Variants in PCDHGB3 observed in about 807,000 individuals in gnomAD.
The protein encoded by PCDHGB3 is protocadherin gamma subfamily B, 3.
A neutral mutation model predicts 59.2 loss-of-function variants in PCDHGB3; 40 were observed. The observed-to-expected ratio is 0.68, with a 90% CI of 0.52 to 0.88. PCDHGB3 has a LOEUF of 0.88. Ranked by LOEUF, PCDHGB3 falls within the 40% of genes least tolerant of loss-of-function variation. The pLI is 0.00. For missense variants in PCDHGB3, 1,309 were observed against 1,187.9 expected (o/e 1.10, Z -1.50); for synonymous variants, 581 against 503.6 (o/e 1.15, Z -2.06).
intron 1 of PCDHGB3, chr5:141,404,548 G>C (rs761765539): frequency 1.2e-5 from 20 of 1,613,740 alleles, no homozygotes. Context: ...AAATGCAGGT[G>C]ACGGCAAGTG....
At chr5:141,399,501 C>G in intron 1 of PCDHGB3, 1 of 1,614,030 alleles carries the variant, frequency 6.2e-7, no homozygotes, top group South Asian at 1.1e-5. Flanking sequence ...TCAGTGTACC[C>G]GAAAACAACC....
chr5:141,423,299 C>T (rs1225422770), intron 1 of PCDHGB3: 2 of 1,614,128 alleles, frequency 1.2e-6, no homozygotes, highest in Non-Finnish European at 1.7e-6. Context: ...TCAGACCTCT[C>T]GCTGTACTTG....
At chr5:141,413,460 C>T (rs1561742736) in intron 1 of PCDHGB3, 4 of 1,613,974 alleles carry the variant, frequency 2.5e-6, no homozygotes, top group Middle Eastern at 1.6e-4. Context: ...GCAGGATAGA[C>T]CGGGAGGAGC....
chr5:141,372,689 T>C lies in PCDHGB3; in HGVS notation c.2295T>C (p.Phe765=), dbSNP rs1465173410. The C allele has an allele frequency of 6.2e-7, 1 of 1,614,032 alleles. No individual in the cohort carries two copies. Residue 765 remains phenylalanine (F), a synonymous_variant, in exon 1 of 4, where the codon TTT becomes TTC. Transcript: ENST00000576222. ...CAASHSSNTE[F]KFLNIKAENA... ...CCTCACATTCCTCAAACACCGAGTTTAAATTTCTCAATATAAAGGCTGAAA... is the reference window on the plus strand; with the variant it reads ...CCTCACATTCCTCAAACACCGAGTTCAAATTTCTCAATATAAAGGCTGAAA...
At chr5:141,467,050 G>T (rs6580189) in intron 1 of PCDHGB3, among the ~76,000 whole-genome samples, 42,616 of 146,752 alleles carry the variant, frequency 0.29, 6,868 homozygotes, top group African/African-American at 0.45. Flanking sequence ...ATGAATCAAT[G>T]TTTTCTTTTT....
chr5:141,441,517 G>A (rs1316654534), intron 1 of PCDHGB3: 1 of 172,138 alleles, frequency 5.8e-6, no homozygotes, highest in South Asian at 1.3e-4. Flanking sequence ...CGTCGTCCAC[G>A]TGGCCAAGAA....
chr5:141,511,730 T>C lies in PCDHGB3; in HGVS notation c.*557T>C, dbSNP rs772107999. 5.1e-5 allele frequency: 9 copies of C among 177,790 alleles called. No homozygotes were observed. The highest frequency in any genetic ancestry group is 5.3e-5 in the Admixed American group (1 of 18,706). The allele number at this position is 177,790 out of a possible 1,614,324, so 11.0% of individuals were successfully genotyped here. On this transcript the variant is annotated 3_prime_UTR_variant, in exon 4 of 4. Transcript: ENST00000576222. ...ACCTCCTTCCAGAGCCCAAGATCAA[T>C]GCTCAAGTTTTGGAGGACATGATCA...
Position 141,489,767 on chromosome 5 carries a change from G to T in PCDHGB3, c.2416-5040G>T, listed in dbSNP as rs2099691977. On this transcript the variant is annotated intron_variant, in intron 1 of 3. Transcript: ENST00000576222. This position sits in a 1 kb window ranked among gnomAD's most constrained non-coding sequence, Gnocchi z 4.5. ...AGCTTTTACACTCTAAGCCCCAACA[G>T]CCACTTCTCTCTGAATGTGAAGACC... The T allele has an allele frequency of 6.2e-7, 1 of 1,614,028 alleles. No homozygotes were observed. Among genetic ancestry groups the T allele is most frequent in the African/African-American group, 1.3e-5 (1 of 74,938 alleles).
In PCDHGB3 at chr5:141,489,584, A is replaced by G. The variant is rs775720718; in HGVS notation, c.2416-5223A>G. Reference sequence around the variant, plus strand: ...CAGGTGGTGACTGAACACCCCCTGGAGCTAATCCGTGTAGAGGTAGAGATC... The same window carrying G: ...CAGGTGGTGACTGAACACCCCCTGGGGCTAATCCGTGTAGAGGTAGAGATC... On this transcript the variant is annotated intron_variant, in intron 1 of 3. Coordinates refer to ENST00000576222, the MANE Select transcript of PCDHGB3 (RefSeq NM_018924.5). The surrounding 1 kb of genome is among the most constrained non-coding windows in gnomAD (Gnocchi z 4.5). The G allele has an allele frequency of 6.2e-7, 1 of 1,614,054 alleles. No homozygotes were observed. Among genetic ancestry groups the G allele is most frequent in the South Asian group, 1.1e-5 (1 of 91,078 alleles).
chr5:141,375,820 C>T (rs62378422), intron 1 of PCDHGB3: 145,173 of 1,614,058 alleles, frequency 0.09, 7,179 homozygotes, highest in African/African-American at 0.18. Context: ...AGCTGGCGCC[C>T]CGCTCCGCAG....
At chr5:141,383,978 C>T in intron 1 of PCDHGB3, 1 of 1,613,752 alleles carries the variant, frequency 6.2e-7, no homozygotes, top group Non-Finnish European at 8.5e-7. Context: ...CCTGAAGACA[C>T]ACCTCTTGGG....
intron 1 of PCDHGB3, chr5:141,420,083 A>C (rs2096465782): frequency 2.5e-6 from 4 of 1,614,020 alleles, no homozygotes; most frequent in Non-Finnish European, 3.4e-6. Context: ...GGGTCCCCCC[A>C]ACTACAGTGA....
chr5:141,491,871 C>T lies in PCDHGB3; in HGVS notation c.2416-2936C>T, dbSNP rs1222191027. 2.1e-6 allele frequency: 3 copies of T among 1,451,434 alleles called. No individual in the cohort carries two copies. Among genetic ancestry groups the T allele is most frequent in the Non-Finnish European group, 2.7e-6 (3 of 1,098,418 alleles). 89.9% of individuals were successfully genotyped at this position (1,451,434 alleles called of 1,614,324 possible). ...ACCGTTTGCGCGAAACCAGAGTGGC[C>T]GATTAAGGGATGGGGCTCCGAGCAC... On this transcript the variant is annotated intron_variant, in intron 1 of 3. Transcript: ENST00000576222. The surrounding 1 kb of genome is among the most constrained non-coding windows in gnomAD (Gnocchi z 6.9).
chr5:141,415,740 G>GTTTTTTTTTTTTTTTTTTTGTTT, intron 1 of PCDHGB3: 1 of 617,992 alleles, frequency 1.6e-6, no homozygotes, highest in Non-Finnish European at 2.1e-6. Flanking sequence ...GTTTATTAAG[G>GTTTTTTTTTTTTTTTTTTTGTTT]TTTTTTTTTT....
intron 1 of PCDHGB3, chr5:141,417,729 G>T (rs1175282861): frequency 1.6e-5 from 22 of 1,376,276 alleles, no homozygotes; most frequent in African/African-American, 8.8e-5. Context: ...CGCAGACCTT[G>T]CCCAGCACAC....
Position 141,511,132 on chromosome 5 carries a change from A to G in PCDHGB3, c.2749A>G (p.Asn917Asp). The change falls in exon 4 of 4, where the codon AAT (asparagine) becomes GAT (aspartate). Residue 917 changes from asparagine to aspartate, a missense_variant. Coordinates refer to ENST00000576222, the MANE Select transcript of PCDHGB3 (RefSeq NM_018924.5). ...GGATGGCAAGGCCCCAGCAGGTGGC[A>G]ATGGCAACAAGAAGAAGTCGGGCAA... ...KRDGKAPAGG[N>D]GNKKKSGKKE... is the part of the protein sequence containing the mutation. The G allele has an allele frequency of 6.2e-7, 1 of 1,614,218 alleles. No individual in the cohort carries two copies. Among genetic ancestry groups the G allele is most frequent in the Non-Finnish European group, 8.5e-7 (1 of 1,180,018 alleles).
chr5:141,483,946 T>C (rs374723616), intron 1 of PCDHGB3, among the ~76,000 whole-genome samples: 127 of 148,696 alleles, frequency 8.5e-4, no homozygotes, highest in Non-Finnish European at 1.5e-3. Flanking sequence ...ACGGTGTGAA[T>C]TGTGTTGTGT....
intron 1 of PCDHGB3, among the ~76,000 whole-genome samples, chr5:141,401,410 A>C (rs536817103): frequency 6.6e-6 from 1 of 152,236 alleles, no homozygotes; most frequent in South Asian, 2.1e-4. Flanking sequence ...TGAGAGAGAA[A>C]GAGAGAGACT....
intron 1 of PCDHGB3, chr5:141,389,997 A>G (rs1278035747): frequency 3.1e-6 from 5 of 1,613,844 alleles, no homozygotes; most frequent in South Asian, 2.2e-5. Flanking sequence ...CCTCGTGGCC[A>G]TGATTCTGGC....
Sources: allele counts gnomAD v4.1 joint callset (sites outside exome capture counted in the v4.1 genomes callset), GRCh38; gene constraint gnomAD v4.1.1; non-coding constraint Gnocchi (gnomAD v3.1); transcripts MANE v1.5; gene names NCBI Gene and HGNC (gene_info 2026-07-23, HGNC 2026-07-21).